The following NEMP2 variants were observed in gnomAD, a reference collection of about 807,000 sequenced individuals.
The protein encoded by NEMP2 is UPF0571 transmembrane protein.
Under a neutral mutation model 54.2 loss-of-function variants are expected in NEMP2, and 53 were observed. The observed-to-expected ratio is 0.98, with a 90% CI of 0.78 to 1.23. NEMP2 has a LOEUF of 1.23. Ranked by LOEUF, NEMP2 falls within the 50% of genes most tolerant of loss-of-function variation. The pLI is 0.00. For synonymous variants in NEMP2, 197 were observed against 190.3 expected (o/e 1.04, Z -0.29); for missense variants, 455 against 511.3 (o/e 0.89, Z 1.06).
chr2:190,570,804 A>G, the NEMP2 span, among the ~76,000 whole-genome samples: 1 of 152,320 alleles, frequency 6.6e-6, no homozygotes, highest in East Asian at 1.9e-4. The surrounding 1 kb of genome is among the most constrained non-coding windows in gnomAD (Gnocchi z 5.4). Flanking sequence ...GAGAAGAGGG[A>G]AAAGGGATAT....
chr2:190,568,932 T>TCCCACAGA, the NEMP2 span, among the ~76,000 whole-genome samples: 1 of 151,568 alleles, frequency 6.6e-6, no homozygotes, highest in African/African-American at 2.4e-5. This position sits in a 1 kb window ranked among gnomAD's most constrained non-coding sequence, Gnocchi z 4.7. Flanking sequence ...TAAATCCGTA[T>TCCCACAGA]CTCCCACAGA....
the NEMP2 span, among the ~76,000 whole-genome samples, chr2:190,496,789 T>C: frequency 6.6e-6 from 1 of 152,190 alleles, no homozygotes; most frequent in Non-Finnish European, 1.5e-5. This position sits in a 1 kb window ranked among gnomAD's most constrained non-coding sequence, Gnocchi z 4.7. Flanking sequence ...GAGACCATAT[T>C]CTAAGTGAAG....
the NEMP2 span, among the ~76,000 whole-genome samples, chr2:190,479,192 T>C: frequency 6.6e-6 from 1 of 152,228 alleles, no homozygotes; most frequent in East Asian, 1.9e-4. Flanking sequence ...GACTACTGGA[T>C]GCTGTTTGGA....
rs1019626579 is a variant in NEMP2 at position 190,514,414 on chromosome 2, A to C, written c.953+39T>G. The C allele has an allele frequency of 6.6e-6, 10 of 1,507,690 alleles. No individual in the cohort carries two copies. In the African/African-American group the frequency reaches 1.4e-4, roughly 21 times the overall value. 93.4% of individuals were successfully genotyped at this position (1,507,690 alleles called of 1,614,324 possible). A position where few individuals can be genotyped will look rare whatever the true frequency, so the allele number is the denominator to read the frequency against. ...CTCCCAAATAATAAAACTAGAGCTCAAAATGTCAAATTTGCTGGGGGAAAA... is the reference window on the plus strand; with the variant it reads ...CTCCCAAATAATAAAACTAGAGCTCCAAATGTCAAATTTGCTGGGGGAAAA... On this transcript the variant is annotated intron_variant, in intron 7 of 8. Transcript: ENST00000409150. The surrounding 1 kb of genome is among the most constrained non-coding windows in gnomAD (Gnocchi z 5.7).
the NEMP2 span, among the ~76,000 whole-genome samples, chr2:190,481,115 G>A: frequency 6.6e-6 from 1 of 152,172 alleles, no homozygotes; most frequent in South Asian, 2.1e-4. Flanking sequence ...GGCTTCAGGT[G>A]GGAAAACACT....
the NEMP2 span, among the ~76,000 whole-genome samples, chr2:190,571,762 T>C: frequency 7.2e-5 from 11 of 152,152 alleles, no homozygotes; most frequent in Non-Finnish European, 1.2e-4. Flanking sequence ...GGAGTTGGCA[T>C]TGGCAAAATT....
chr2:190,578,650 T>C, the NEMP2 span, among the ~76,000 whole-genome samples: 22 of 151,826 alleles, frequency 1.4e-4, no homozygotes, highest in Non-Finnish European at 2.8e-4. The surrounding 1 kb of genome is among the most constrained non-coding windows in gnomAD (Gnocchi z 4.4). Flanking sequence ...ATCTGAGAGA[T>C]ATGTGGGTGT....
chr2:190,566,435 A>G, the NEMP2 span, among the ~76,000 whole-genome samples: 1 of 152,036 alleles, frequency 6.6e-6, no homozygotes, highest in Admixed American at 6.6e-5. Flanking sequence ...CCTGGGCAGC[A>G]TGGCAAAATC....
At chr2:190,495,840 A>C in the NEMP2 span, among the ~76,000 whole-genome samples, 35,504 of 152,148 alleles carry the variant, frequency 0.23, 5,056 homozygotes, top group South Asian at 0.33. This position sits in a 1 kb window ranked among gnomAD's most constrained non-coding sequence, Gnocchi z 4.7. Context: ...AAAAAAATCA[A>C]CTCAAGATGG....
At chr2:190,471,552 C>T in the NEMP2 span, among the ~76,000 whole-genome samples, 5 of 152,184 alleles carry the variant, frequency 3.3e-5, no homozygotes, top group African/African-American at 7.2e-5. The surrounding 1 kb of genome is among the most constrained non-coding windows in gnomAD (Gnocchi z 4.7). Flanking sequence ...GAGGGGCACC[C>T]GCCATTGCTG....
the NEMP2 span, among the ~76,000 whole-genome samples, chr2:190,446,907 A>C: frequency 6.6e-6 from 1 of 152,206 alleles, no homozygotes; most frequent in African/African-American, 2.4e-5. Context: ...TGAGGGACTT[A>C]GGGATTCTGA....
the NEMP2 span, among the ~76,000 whole-genome samples, chr2:190,440,316 C>A: frequency 6.6e-6 from 1 of 152,206 alleles, no homozygotes; most frequent in Non-Finnish European, 1.5e-5. Context: ...TCTAAACACA[C>A]ACACATAGAG....
At chr2:190,585,549 G>A in the NEMP2 span, among the ~76,000 whole-genome samples, 1 of 152,130 alleles carries the variant, frequency 6.6e-6, no homozygotes, top group African/African-American at 2.4e-5. The surrounding 1 kb of genome is among the most constrained non-coding windows in gnomAD (Gnocchi z 5.3). Context: ...CCCCAGTCTA[G>A]TCCCCCACCC....
chr2:190,629,336 A>T, the NEMP2 span, among the ~76,000 whole-genome samples: 3 of 152,206 alleles, frequency 2.0e-5, no homozygotes, highest in Admixed American at 6.5e-5. Context: ...AATTTTTTGC[A>T]CCAAAATAAA....
the NEMP2 span, among the ~76,000 whole-genome samples, chr2:190,588,743 G>A: frequency 6.6e-6 from 1 of 152,110 alleles, no homozygotes; most frequent in Non-Finnish European, 1.5e-5. The surrounding 1 kb of genome is among the most constrained non-coding windows in gnomAD (Gnocchi z 5.0). Flanking sequence ...ATTGAGAAGA[G>A]CTGTCCAAAG....
the NEMP2 span, among the ~76,000 whole-genome samples, chr2:190,440,552 G>A: frequency 6.6e-6 from 1 of 152,196 alleles, no homozygotes; most frequent in Non-Finnish European, 1.5e-5. Context: ...CATTTTAGCA[G>A]CTATGAGTAG....
At chr2:190,629,621 A>G in the NEMP2 span, 9 of 152,334 alleles carry the variant, frequency 5.9e-5, no homozygotes, top group East Asian at 1.7e-3. Flanking sequence ...GCTGAAGCCT[A>G]GAGCAGCAGA....
At chr2:190,469,406 A>C in the NEMP2 span, 1 of 154,220 alleles carries the variant, frequency 6.5e-6, no homozygotes, top group African/African-American at 2.4e-5. The surrounding 1 kb of genome is among the most constrained non-coding windows in gnomAD (Gnocchi z 5.3). Flanking sequence ...GGAAGCCAGT[A>C]ATGTCATTAC....
At chr2:190,426,023 T>C in the NEMP2 span, among the ~76,000 whole-genome samples, 16,697 of 152,236 alleles carry the variant, frequency 0.11, 1,281 homozygotes, top group African/African-American at 0.21. This position sits in a 1 kb window ranked among gnomAD's most constrained non-coding sequence, Gnocchi z 4.7. Context: ...CTGATGAGTT[T>C]TGGTGTGGGC....
Sources: allele counts gnomAD v4.1 joint callset (sites outside exome capture counted in the v4.1 genomes callset), GRCh38; gene constraint gnomAD v4.1.1; non-coding constraint Gnocchi (gnomAD v3.1); transcripts MANE v1.5; gene names NCBI Gene and HGNC (gene_info 2026-07-23, HGNC 2026-07-21).